PLSCR3: variants seen among roughly 807,000 people sequenced by gnomAD.
The protein encoded by PLSCR3 is phospholipid scramblase 3, also known as PL scramblase 3.
In PLSCR3, 17 loss-of-function variants were observed where a neutral mutation model predicts 33.7. The observed-to-expected ratio is 0.50, with a 90% CI of 0.35 to 0.76. The LOEUF (loss-of-function observed/expected upper bound fraction) is 0.76. Ranked by LOEUF, PLSCR3 falls within the 30% of genes least tolerant of loss-of-function variation. The pLI is 0.01. For synonymous variants in PLSCR3, 166 were observed against 166.0 expected (o/e 1.00, Z 0.00); for missense variants, 360 against 394.1 (o/e 0.91, Z 0.73).
chr17:7,393,112 G>GGCCCCCCCCCCCCCCCC, intron 5 of PLSCR3, 32 bp downstream of exon 5: 2 of 1,256,032 alleles, frequency 1.6e-6, no homozygotes, highest in Non-Finnish European at 2.1e-6. Context: ...CCCCACCAAG[G>GGCCCCCCCCCCCCCCCC]CCCGCCCTCC....
chr17:7,393,543 G>A lies in PLSCR3; in HGVS notation c.244-34C>T, dbSNP rs369805101. On this transcript the variant is annotated intron_variant, in intron 3 of 7. Coordinates refer to ENST00000619711, the MANE Select transcript of PLSCR3 (RefSeq NM_020360.4). ...AGAGGGGCGGCGCGCACATCAGCTGGCCCATCTGGACGCCCAAGTCCCCTC... is the reference window on the plus strand; with the variant it reads ...AGAGGGGCGGCGCGCACATCAGCTGACCCATCTGGACGCCCAAGTCCCCTC... 15 of 1,613,856 alleles carry A rather than the reference G, an allele frequency of 9.3e-6. No individual in the cohort carries two copies. In the African/African-American group the frequency reaches 1.9e-4, roughly 20 times the overall value.
intron 7 of PLSCR3, 58 bp downstream of exon 7, chr17:7,390,576 A>C (rs1421128355): frequency 6.2e-7 from 1 of 1,603,080 alleles, no homozygotes; most frequent in Non-Finnish European, 8.5e-7. Flanking sequence ...GAAATGCATA[A>C]AGCTTCAAAT....
At chr17:7,392,060 C>A (rs891235395) in intron 6 of PLSCR3, among the ~76,000 whole-genome samples, 4 of 152,344 alleles carry the variant, frequency 2.6e-5, no homozygotes, top group Middle Eastern at 3.4e-3. Context: ...CGGCGCATGC[C>A]TGTAATCCTA....
In PLSCR3 at chr17:7,394,177, C is replaced by A; in HGVS notation, c.-67G>T. 1 of 1,479,544 alleles carries A rather than the reference C, an allele frequency of 6.8e-7. No homozygotes were observed. 91.7% of individuals were successfully genotyped at this position (1,479,544 alleles called of 1,614,324 possible). A position where few individuals can be genotyped will look rare whatever the true frequency, so the allele number is the denominator to read the frequency against. The stretch of plus-strand genomic sequence containing the variant: ...GCTTAGTTCTGGAAGCGGAGGCAAA[C>A]TCGGAGATAGCCAGACAGACACAGA... On this transcript the variant is annotated 5_prime_UTR_variant, in exon 2 of 8. Transcript: ENST00000619711. This position sits in a 1 kb window ranked among gnomAD's most constrained non-coding sequence, Gnocchi z 5.3.
In PLSCR3 at chr17:7,392,778, G is replaced by A; in HGVS notation, c.669+13C>T. On this transcript the variant is annotated intron_variant, in intron 6 of 7. Coordinates refer to ENST00000619711, the MANE Select transcript of PLSCR3 (RefSeq NM_020360.4). ...TTTACGAAGGTCCCAAGAGCCTCTAGTATTCCTGATACCTCAAAGTTGGTG... is the reference window on the plus strand; with the variant it reads ...TTTACGAAGGTCCCAAGAGCCTCTAATATTCCTGATACCTCAAAGTTGGTG... The A allele has an allele frequency of 6.2e-7, 1 of 1,613,136 alleles. No individual in the cohort carries two copies. The highest frequency in any genetic ancestry group is 8.5e-7 in the Non-Finnish European group (1 of 1,179,490).
At position 7,393,186 on chromosome 17, in the gene PLSCR3, C is replaced by G. The variant is rs200506145; in HGVS notation, c.465G>C (p.Pro155=). Residue 155 remains proline, a synonymous_variant, in exon 5 of 8, where the codon CCG becomes CCC. Transcript: ENST00000619711. ...GGCAGCAGCTGCAGCCACAGTGCAG[C>G]GGGCGGAGCAAACGCAGCACCTCAC... ...GDREVLRLLR[P]LHCGCSCCPC... The G allele has an allele frequency of 3.3e-6, 5 of 1,513,932 alleles. No homozygotes were observed. Among genetic ancestry groups the G allele is most frequent in the Middle Eastern group, 2.3e-4 (1 of 4,340 alleles). The allele number at this position is 1,513,932 out of a possible 1,614,324, so 93.8% of individuals were successfully genotyped here. A position where few individuals can be genotyped will look rare whatever the true frequency, so the allele number is the denominator to read the frequency against.
At position 7,390,044 on chromosome 17, in the gene PLSCR3, T is replaced by C. The variant is rs1340731072; in HGVS notation, c.*341A>G. The C allele has an allele frequency of 1.8e-5, 4 of 228,178 alleles. No individual in the cohort carries two copies. Among genetic ancestry groups the C allele is most frequent in the Non-Finnish European group, 3.5e-5 (4 of 114,672 alleles). 14.1% of individuals were successfully genotyped at this position (228,178 alleles called of 1,614,324 possible). On this transcript the variant is annotated 3_prime_UTR_variant, in exon 8 of 8. Transcript: ENST00000619711. ...AGCTTGCCCTTCCACACCCCAGCCCTCTTGTAAAACCCCAGAGTCCTGGGT... is the reference window on the plus strand; with the variant it reads ...AGCTTGCCCTTCCACACCCCAGCCCCCTTGTAAAACCCCAGAGTCCTGGGT...
At chr17:7,390,978 G>C (rs1905643637) in intron 6 of PLSCR3, among the ~76,000 whole-genome samples, 183 bp from the exon 7 acceptor site, 2 of 152,120 alleles carry the variant, frequency 1.3e-5, no homozygotes, top group South Asian at 4.1e-4. Flanking sequence ...ATGACAGCTG[G>C]GGAAACTGAG....
chr17:7,393,101 G>T, intron 5 of PLSCR3, 43 bp downstream of exon 5: 1 of 1,438,386 alleles, frequency 7.0e-7, no homozygotes, highest in Non-Finnish European at 9.1e-7. Flanking sequence ...TCATTGTCCC[G>T]CCCCACCAAG....
chr17:7,392,390 T>C (rs1267853360), intron 6 of PLSCR3, among the ~76,000 whole-genome samples: 1 of 152,150 alleles, frequency 6.6e-6, no homozygotes, highest in Admixed American at 6.5e-5. Flanking sequence ...TTGGATTCTA[T>C]TTTAGCAGGG....
In PLSCR3 at chr17:7,393,315, G is replaced by T; in HGVS notation, c.336C>A (p.Ala112=). 1.2e-6 allele frequency: 2 copies of T among 1,611,642 alleles called. No homozygotes were observed. Among genetic ancestry groups the T allele is most frequent in the Non-Finnish European group, 1.7e-6 (2 of 1,179,880 alleles). The change falls in exon 5 of 8, where the codon GCC becomes GCA. Residue 112 remains alanine (A), a synonymous_variant. Transcript: ENST00000619711. ...TCNRYELRSG[A]GQPLGQAAEE... ...CGGCCGCCTGACCCAGGGGCTGCCCGGCCCCAGAGCGCAGTTCATACCGAT... is the reference window on the plus strand; with the variant it reads ...CGGCCGCCTGACCCAGGGGCTGCCCTGCCCCAGAGCGCAGTTCATACCGAT...
At position 7,393,212 on chromosome 17, in the gene PLSCR3, G is replaced by A. The variant is rs919940511; in HGVS notation, c.439C>T (p.Arg147Cys). The change falls in exon 5 of 8, where the codon CGT (arginine) becomes TGT (cysteine). Residue 147 changes from arginine (R) to cysteine (C), a missense_variant. Physicochemically the swap from Arg to Cys is radical, Grantham distance 180. Transcript: ENST00000619711. Reference protein sequence around the residue: ...LRVRLADPGDREVLRLLRPLH... With the variant: ...LRVRLADPGDCEVLRLLRPLH... Reference sequence around the variant, plus strand: ...GGGCGGAGCAAACGCAGCACCTCACGGTCCCCGGGGTCGGCCAGGCGGACA... The same window carrying A: ...GGGCGGAGCAAACGCAGCACCTCACAGTCCCCGGGGTCGGCCAGGCGGACA... 6.4e-7 allele frequency: 1 copy of A among 1,551,832 alleles called. No individual in the cohort carries two copies. The highest frequency in any genetic ancestry group is 8.6e-7 in the Non-Finnish European group (1 of 1,157,082).
chr17:7,393,618 G>A lies in PLSCR3; in HGVS notation c.226C>T (p.Leu76Phe), dbSNP rs1262487512. ...CCACTCACCTGCACCAGGAATTCGA[G>A]GCCAGAAGGCACCCCTGGCAGTGGC... ...FLPLPGVPSG[L>F]EFLVQIDQIL... The change falls in exon 3 of 8, where the codon CTC becomes TTC. Residue 76 changes from leucine (L) to phenylalanine (F), a missense_variant. Leu to Phe is a conservative substitution (Grantham distance 22). Transcript: ENST00000619711. 1.9e-6 allele frequency: 3 copies of A among 1,612,488 alleles called. No homozygotes were observed. The highest frequency in any genetic ancestry group is 3.3e-5 in the Admixed American group (2 of 59,998).
chr17:7,390,544 C>G, intron 7 of PLSCR3, 90 bp downstream of exon 7: 1 of 1,579,718 alleles, frequency 6.3e-7, no homozygotes, highest in Non-Finnish European at 8.7e-7. Flanking sequence ...CTATTCCTGA[C>G]TTTCCCCTAG....
Position 7,391,234 on chromosome 17 carries a change from C to T in PLSCR3, c.670-439G>A, listed in dbSNP as rs959371206. On this transcript the variant is annotated intron_variant, in intron 6 of 7. Transcript: ENST00000619711. This position sits in a 1 kb window ranked among gnomAD's most constrained non-coding sequence, Gnocchi z 4.1. ...CTGGCCAAAAGGGCAAGGAAAGCTA[C>T]TGGAATTCTGGCTGTACTTCACCAG... Among the ~76,000 whole-genome samples the T allele has an allele frequency of 1.3e-5, 2 of 152,200 alleles. No homozygotes were observed. The highest frequency in any genetic ancestry group is 4.8e-5 in the African/African-American group (2 of 41,440).
At chr17:7,392,444 G>T (rs1905784593) in intron 6 of PLSCR3, among the ~76,000 whole-genome samples, 4 of 152,122 alleles carry the variant, frequency 2.6e-5, no homozygotes, top group Admixed American at 2.6e-4. Context: ...CTTGCTCCAG[G>T]GCCTGGGCTC....
rs1389456166 is a variant in PLSCR3 at position 7,389,768 on chromosome 17, A to C, written c.*617T>G. The stretch of plus-strand genomic sequence containing the variant: ...GTTACAAAGTTTATATGAATGTAAC[A>C]TATAAAGATGCAGCCTTTTTCCTAG... On this transcript the variant is annotated 3_prime_UTR_variant, in exon 8 of 8. Transcript: ENST00000619711. 1 of 156,298 alleles carries C rather than the reference A, an allele frequency of 6.4e-6. No individual in the cohort carries two copies. The highest frequency in any genetic ancestry group is 1.4e-5 in the Non-Finnish European group (1 of 70,756). The allele number at this position is 156,298 out of a possible 1,614,324, so 9.7% of individuals were successfully genotyped here.
chr17:7,393,659 G>A lies in PLSCR3; in HGVS notation c.185C>T (p.Ser62Phe). ...FPSPGPVALG[S>F]AAPFLPLPGV... ...TGGCAGTGGCAAGAAGGGGGCAGCA[G>A]ACCCCAAGGCCACGGGGCCAGGCGA... The change falls in exon 3 of 8, where the codon TCT becomes TTT. Residue 62 changes from serine to phenylalanine, a missense_variant. Coordinates refer to ENST00000619711, the MANE Select transcript of PLSCR3 (RefSeq NM_020360.4). The A allele has an allele frequency of 6.2e-7, 1 of 1,607,920 alleles. No homozygotes were observed. Among genetic ancestry groups the A allele is most frequent in the Non-Finnish European group, 8.5e-7 (1 of 1,179,152 alleles).
chr17:7,392,372 A>G (rs368642889), intron 6 of PLSCR3, among the ~76,000 whole-genome samples: 6 of 152,170 alleles, frequency 3.9e-5, no homozygotes, highest in African/African-American at 9.7e-5. Flanking sequence ...TCGGAATGGC[A>G]GGGGCATTTG....
Sources: gnomAD v4.1 joint callset for allele counts (sites outside exome capture counted in the v4.1 genomes callset) on GRCh38, gnomAD v4.1.1 for gene constraint, Gnocchi (gnomAD v3.1) non-coding constraint, MANE v1.5 for transcripts, NCBI Gene and HGNC (gene_info 2026-07-23, HGNC 2026-07-21) for gene names.